The following IPCEF1 variants were observed in gnomAD, a reference collection of about 807,000 sequenced individuals.
IPCEF1 encodes the protein interactor protein for cytohesin exchange factors 1.
Under a neutral mutation model 50.9 loss-of-function variants are expected in IPCEF1, and 31 were observed. That is an observed-to-expected ratio of 0.61 (90% CI 0.46 to 0.82). The LOEUF is 0.82. IPCEF1 is among the 40% of genes least tolerant of loss of function. The pLI is 0.00. For synonymous variants in IPCEF1, 181 were observed against 192.0 expected, an observed-to-expected ratio of 0.94 and a Z score of 0.47; for missense variants, 458 against 514.0, an observed-to-expected ratio of 0.89 and a Z score of 1.05.
At chr6:154,323,991 A>T (rs550041563) in intron 1 of IPCEF1, among the ~76,000 whole-genome samples, 8 of 152,326 alleles carry the variant, frequency 5.3e-5, no homozygotes, top group African/African-American at 1.9e-4. Context: ...GTACAGAAGA[A>T]ACAAGACTGA....
intron 5 of IPCEF1, 71 bp downstream of exon 5, chr6:154,246,520 G>T: frequency 6.7e-7 from 1 of 1,483,068 alleles, no homozygotes; most frequent in Non-Finnish European, 9.1e-7. Flanking sequence ...CTTTCCCATA[G>T]GGATCACCTG....
At chr6:154,169,338 G>C (rs1799687660) in intron 10 of IPCEF1, among the ~76,000 whole-genome samples, 2 of 152,124 alleles carry the variant, frequency 1.3e-5, no homozygotes, top group Admixed American at 1.3e-4. Flanking sequence ...TCCAGCCTGG[G>C]CTACAGAGTG....
At position 154,211,154 on chromosome 6, in the gene IPCEF1, C is replaced by T. The variant is rs1212467685; in HGVS notation, c.537+1616G>A. Among the ~76,000 whole-genome samples the T allele has an allele frequency of 2.6e-5, 4 of 152,096 alleles. 1 individual carries two copies. Among genetic ancestry groups the T allele is most frequent in the Admixed American group, 1.3e-4 (2 of 15,264 alleles). The stretch of plus-strand genomic sequence containing the variant: ...TGTCCTGGCTGGGTGCGGTGGCTCA[C>T]GCTTGTAATCCCAGCACTTTGGGAG... On this transcript the variant is annotated intron_variant, in intron 9 of 11. Transcript: ENST00000367220.
At chr6:154,260,943 T>C (rs1425100803) in intron 3 of IPCEF1, among the ~76,000 whole-genome samples, 2 of 152,204 alleles carry the variant, frequency 1.3e-5, no homozygotes, top group Non-Finnish European at 2.9e-5. Flanking sequence ...TATCAAGGAC[T>C]ACATAAACCA....
chr6:154,180,416 T>TATATATATATATA (rs1562526757), intron 10 of IPCEF1, among the ~76,000 whole-genome samples: 2 of 51,122 alleles, frequency 3.9e-5, no homozygotes, highest in Admixed American at 1.6e-4. Flanking sequence ...ATATATATAT[T>TATATATATATATA]TTTTTTTTAA....
intron 3 of IPCEF1, among the ~76,000 whole-genome samples, chr6:154,251,799 A>C (rs1177991794): frequency 6.6e-6 from 1 of 152,098 alleles, no homozygotes; most frequent in African/African-American, 2.4e-5. Context: ...ACTGGGAAGA[A>C]GGGGAGGAAG....
rs756974431 is a variant in IPCEF1 at position 154,200,017 on chromosome 6, G to A, written c.561C>T (p.Ser187=). 2 of 1,613,242 alleles carry A rather than the reference G, an allele frequency of 1.2e-6. No individual in the cohort carries two copies. Among genetic ancestry groups the A allele is most frequent in the Non-Finnish European group, 1.7e-6 (2 of 1,179,608 alleles). Residue 187 remains serine (S), a synonymous_variant, in exon 10 of 12, where the codon TCC becomes TCT. Coordinates refer to ENST00000367220, the MANE Select transcript of IPCEF1 (RefSeq NM_001130700.2). ...ACGACGTTCCACTCAGGCTGGGTGA[G>A]GATGAAGATGCCTGCTGTGCAGTCT... is the stretch of plus-strand genomic sequence containing the variant. The part of the protein sequence containing the change: ...QSLTAQQASS[S]SPSLSGTSYS...
intron 11 of IPCEF1, among the ~76,000 whole-genome samples, chr6:154,166,913 G>A (rs1239965719): frequency 6.6e-6 from 1 of 152,146 alleles, no homozygotes; most frequent in Non-Finnish European, 1.5e-5. Context: ...AAATAAGAGT[G>A]AATTTCTCTG....
chr6:154,315,430 A>G (rs1304468449), intron 1 of IPCEF1, among the ~76,000 whole-genome samples: 1 of 152,176 alleles, frequency 6.6e-6, no homozygotes, highest in Non-Finnish European at 1.5e-5. Flanking sequence ...CAGCTGTTTC[A>G]TTGACATAAA....
At chr6:154,324,194 C>T (rs191593756) in intron 1 of IPCEF1, among the ~76,000 whole-genome samples, 1 of 152,186 alleles carries the variant, frequency 6.6e-6, no homozygotes, top group Non-Finnish European at 1.5e-5. Flanking sequence ...ATCCAACTGG[C>T]TAGCCATCTG....
chr6:154,212,792 T>C lies in IPCEF1; in HGVS notation c.515A>G (p.His172Arg), dbSNP rs1451948815. 6.2e-7 allele frequency: 1 copy of C among 1,612,798 alleles called. No homozygotes were observed. Among genetic ancestry groups the C allele is most frequent in the Non-Finnish European group, 8.5e-7 (1 of 1,178,930 alleles). The part of the protein sequence containing the change: ...EIAAETPPPP[H>R]ASQTQSLTAQ... ...TACCAAAGACTGAGTCTGGGAAGCG[T>C]GAGGAGGGGGTGGTGTCTCCGCAGC... Residue 172 changes from histidine to arginine, a missense_variant, in exon 9 of 12, where the codon CAC becomes CGC. Physicochemically the swap from His to Arg is conservative, Grantham distance 29. Transcript: ENST00000367220.
intron 10 of IPCEF1, among the ~76,000 whole-genome samples, chr6:154,192,922 T>C (rs993198227): frequency 6.6e-6 from 1 of 152,196 alleles, no homozygotes; most frequent in Admixed American, 6.5e-5. Flanking sequence ...CTGGTGGGAA[T>C]GTAAACTAGG....
chr6:154,195,147 C>CTTTTTTT (rs10719288), intron 10 of IPCEF1, among the ~76,000 whole-genome samples: 1 of 122,896 alleles, frequency 8.1e-6, no homozygotes, highest in Non-Finnish European at 1.7e-5. Context: ...TCTTTTCTTT[C>CTTTTTTT]TTTTTTTTTT....
At chr6:154,266,048 T>C (rs1781745602) in intron 2 of IPCEF1, 84 bp from the exon 3 acceptor site, 10 of 771,370 alleles carry the variant, frequency 1.3e-5, no homozygotes, top group Non-Finnish European at 2.2e-5. Flanking sequence ...GGAAAGAAAA[T>C]ACTTCTATTG....
At chr6:154,228,059 C>T (rs1294074335) in intron 5 of IPCEF1, among the ~76,000 whole-genome samples, 2 of 152,124 alleles carry the variant, frequency 1.3e-5, no homozygotes, top group Non-Finnish European at 2.9e-5. Context: ...TCTTCTCTTC[C>T]TCCTCCTTTT....
chr6:154,273,548 C>A (rs1196813170), intron 2 of IPCEF1, among the ~76,000 whole-genome samples: 1 of 152,042 alleles, frequency 6.6e-6, no homozygotes, highest in Admixed American at 6.5e-5. Context: ...CCTGTCAAGG[C>A]AAAGCAGGAG....
rs139304813 is a variant in IPCEF1, at chr6:154,208,554, G to A, written c.537+4216C>T. ...AGAGGTTTGGCTCCATGATGAACATGAATCACAGTCCACTTTATTCACTGA... is the reference window on the plus strand; with the variant it reads ...AGAGGTTTGGCTCCATGATGAACATAAATCACAGTCCACTTTATTCACTGA... On this transcript the variant is annotated intron_variant, in intron 9 of 11. Transcript: ENST00000367220. 2.1e-3 allele frequency among the ~76,000 whole-genome samples: 315 copies of A among 152,266 alleles called. 2 individuals are homozygous for A. Among genetic ancestry groups the A allele is most frequent in the African/African-American group, 7.1e-3 (296 of 41,546 alleles).
At position 154,154,905 on chromosome 6, in the gene IPCEF1, C is replaced by T. The variant is rs900385519; in HGVS notation, c.*4923G>A. ...AAACACCATGCAGTGCTAAAAGTCA[C>T]ATTCCCATCATGCAAGCACATTAAA... On this transcript the variant is annotated 3_prime_UTR_variant, in exon 12 of 12. Coordinates refer to ENST00000367220, the MANE Select transcript of IPCEF1 (RefSeq NM_001130700.2). The T allele has an allele frequency of 2.6e-5, 4 of 152,474 alleles. No homozygotes were observed. Among genetic ancestry groups the T allele is most frequent in the African/African-American group, 7.2e-5 (3 of 41,400 alleles). 9.4% of individuals were successfully genotyped at this position (152,474 alleles called of 1,614,324 possible).
intron 11 of IPCEF1, among the ~76,000 whole-genome samples, chr6:154,167,059 C>T (rs1291762413): frequency 6.6e-6 from 1 of 152,168 alleles, no homozygotes; most frequent in African/African-American, 2.4e-5. Flanking sequence ...GCCTTTGTAG[C>T]CTTGTCCTTT....
Sources: allele counts gnomAD v4.1 joint callset (sites outside exome capture counted in the v4.1 genomes callset), GRCh38; gene constraint gnomAD v4.1.1; transcripts MANE v1.5; gene names NCBI Gene and HGNC (gene_info 2026-07-23, HGNC 2026-07-21).